The following GRID1 variants were observed in gnomAD, a reference collection of about 807,000 sequenced individuals.
GRID1 encodes the protein glutamate ionotropic receptor delta type subunit 1.
GRID1 carries 28 observed loss-of-function variants against 98.0 expected under a neutral mutation model. The observed-to-expected ratio is 0.29, with a 90% CI of 0.21 to 0.39. The LOEUF is 0.39. Among genes scored for constraint, GRID1 ranks in the 10% least tolerant of loss-of-function variants. The pLI is 1.00. For synonymous variants in GRID1, 553 were observed against 538.5 expected (o/e 1.03, Z -0.37); for missense variants, 1,111 against 1,340.5 (o/e 0.83, Z 2.67).
chr10:85,828,589 C>G (rs1205548102), intron 8 of GRID1, among the ~76,000 whole-genome samples: 1 of 151,846 alleles, frequency 6.6e-6, no homozygotes, highest in Admixed American at 6.6e-5. Flanking sequence ...CAAATAAACA[C>G]AGTCAGAAAT....
In GRID1 at chr10:86,192,069, G is replaced by C. The variant is rs1267984152; in HGVS notation, c.520+14295C>G. ...GGTCTAAGCAGGGCAGTGAGTTAAG[G>C]AAGGTGACTTTGGTGGCAGAATGAA... On this transcript the variant is annotated intron_variant, in intron 3 of 15. Coordinates refer to ENST00000327946, the MANE Select transcript of GRID1 (RefSeq NM_017551.3). The surrounding 1 kb of genome is among the most constrained non-coding windows in gnomAD (Gnocchi z 4.8). Among the ~76,000 whole-genome samples, 1 of 152,150 alleles carries C rather than the reference G, an allele frequency of 6.6e-6. No homozygotes were observed. Among genetic ancestry groups the C allele is most frequent in the Non-Finnish European group, 1.5e-5 (1 of 68,032 alleles).
chr10:85,948,747 A>T (rs1290536790), intron 4 of GRID1, among the ~76,000 whole-genome samples: 1 of 152,216 alleles, frequency 6.6e-6, no homozygotes, highest in Non-Finnish European at 1.5e-5. Context: ...TTATAATTGC[A>T]AGAAAAAAGA....
chr10:85,813,145 A>T (rs374212484), intron 8 of GRID1, among the ~76,000 whole-genome samples: 2 of 151,788 alleles, frequency 1.3e-5, no homozygotes, highest in East Asian at 3.9e-4. Flanking sequence ...AGAAGAAGAG[A>T]AAAACATTTT....
rs76313125 is a variant in GRID1, at chr10:85,609,296, T to G, written c.2601+4111A>C. ...AAGGAGCCCTAAGGTGTCACTTGTCTCTCCCATATTCCTCATTGCCTAGCC... is the reference window on the plus strand; with the variant it reads ...AAGGAGCCCTAAGGTGTCACTTGTCGCTCCCATATTCCTCATTGCCTAGCC... On this transcript the variant is annotated intron_variant, in intron 15 of 15. Coordinates refer to ENST00000327946, the MANE Select transcript of GRID1 (RefSeq NM_017551.3). Among the ~76,000 whole-genome samples, 758 of 152,292 alleles carry G rather than the reference T, an allele frequency of 5.0e-3. 9 individuals carry two copies. The highest frequency in any genetic ancestry group is 0.017 in the African/African-American group (722 of 41,566).
chr10:86,125,418 G>C (rs1208754068), intron 4 of GRID1, among the ~76,000 whole-genome samples: 1 of 152,230 alleles, frequency 6.6e-6, no homozygotes, highest in Non-Finnish European at 1.5e-5. Flanking sequence ...CTGCTAGGTA[G>C]AGCAAACCAA....
intron 2 of GRID1, among the ~76,000 whole-genome samples, chr10:86,308,405 T>A (rs1847788066): frequency 6.6e-6 from 1 of 152,138 alleles, no homozygotes; most frequent in African/African-American, 2.4e-5. Flanking sequence ...CTTCTGTACA[T>A]CCTGACAGAT....
intron 8 of GRID1, among the ~76,000 whole-genome samples, chr10:85,783,395 A>T (rs1280259821): frequency 2.0e-5 from 3 of 152,174 alleles, no homozygotes; most frequent in Non-Finnish European, 4.4e-5. Context: ...TTATAATATC[A>T]AGAAGTGGGG....
chr10:85,917,569 A>G (rs7083876), intron 4 of GRID1, among the ~76,000 whole-genome samples: 5,474 of 152,312 alleles, frequency 0.036, 321 homozygotes, highest in African/African-American at 0.12. Context: ...TGTAACACAA[A>G]TATCTTTCCT....
intron 12 of GRID1, among the ~76,000 whole-genome samples, chr10:85,707,412 G>C (rs1417445661): frequency 1.3e-5 from 2 of 152,138 alleles, no homozygotes; most frequent in Non-Finnish European, 2.9e-5. Flanking sequence ...ACCACAATGA[G>C]ATACCATCTC....
chr10:86,113,050 A>G (rs1201492688), intron 4 of GRID1, among the ~76,000 whole-genome samples: 1 of 152,160 alleles, frequency 6.6e-6, no homozygotes, highest in Non-Finnish European at 1.5e-5. Flanking sequence ...TTTGTCCAAT[A>G]CTTGTTAAAG....
rs551177583 is a variant in GRID1 at position 85,618,419 on chromosome 10, A to G, written c.2360+1448T>C. ...ACCAACTGGTGCGAACCTCAAGAAC[A>G]CCAACGTGTTATAAATCCTGGAGAG... On this transcript the variant is annotated intron_variant, in intron 14 of 15. Coordinates refer to ENST00000327946, the MANE Select transcript of GRID1 (RefSeq NM_017551.3). Among the ~76,000 whole-genome samples the G allele has an allele frequency of 1.7e-3, 259 of 152,318 alleles. 1 individual carries two copies. The highest frequency in any genetic ancestry group is 2.4e-3 in the Non-Finnish European group (162 of 68,022).
intron 8 of GRID1, among the ~76,000 whole-genome samples, chr10:85,820,230 G>A (rs1451955696): frequency 6.6e-6 from 1 of 151,074 alleles, no homozygotes; most frequent in East Asian, 1.9e-4. Context: ...CAAAATACCT[G>A]ATAAATACTC....
In GRID1 at chr10:86,298,716, G is replaced by A. The variant is rs1373639836; in HGVS notation, c.235+65225C>T. On this transcript the variant is annotated intron_variant, in intron 2 of 15. Coordinates refer to ENST00000327946, the MANE Select transcript of GRID1 (RefSeq NM_017551.3). ...TTTCTCAATCCCACTCCACCCCTAC[G>A]GCACCTGCAACTCTCCCAGACACAG... Among the ~76,000 whole-genome samples the A allele has an allele frequency of 3.3e-5, 5 of 152,178 alleles. No individual in the cohort carries two copies. In the East Asian group the frequency reaches 7.7e-4, roughly 23 times the overall value.
intron 3 of GRID1, among the ~76,000 whole-genome samples, chr10:86,177,966 T>C (rs1027971876): frequency 6.6e-6 from 1 of 152,064 alleles, no homozygotes; most frequent in Admixed American, 6.6e-5. Context: ...GTGAAGAACA[T>C]ACTATGCTCC....
At chr10:85,923,023 A>G (rs1207256588) in intron 4 of GRID1, among the ~76,000 whole-genome samples, 2 of 152,054 alleles carry the variant, frequency 1.3e-5, no homozygotes, top group Non-Finnish European at 2.9e-5. Flanking sequence ...TCATCTCCCA[A>G]GACTCCTAAT....
intron 2 of GRID1, among the ~76,000 whole-genome samples, chr10:86,360,686 G>T (rs140763429): frequency 1.3e-5 from 2 of 152,154 alleles, no homozygotes; most frequent in Non-Finnish European, 2.9e-5. Context: ...AACACCCACC[G>T]CAGGCCTTAT....
intron 4 of GRID1, among the ~76,000 whole-genome samples, chr10:86,049,311 T>C (rs1321318136): frequency 6.6e-6 from 1 of 152,244 alleles, no homozygotes; most frequent in Non-Finnish European, 1.5e-5. Flanking sequence ...GAGGATCTCT[T>C]ACACATTGTA....
intron 2 of GRID1, among the ~76,000 whole-genome samples, chr10:86,325,922 T>G (rs193201116): frequency 4.6e-5 from 7 of 152,300 alleles, no homozygotes; most frequent in African/African-American, 1.7e-4. Flanking sequence ...TGGACAAGTG[T>G]TGAAAAAGGA....
At chr10:85,653,605 A>G (rs1840856278) in intron 12 of GRID1, among the ~76,000 whole-genome samples, 1 of 152,212 alleles carries the variant, frequency 6.6e-6, no homozygotes, top group Non-Finnish European at 1.5e-5. Flanking sequence ...CAAAACTCAT[A>G]TTGAAACTTA....
Sources: gnomAD v4.1 joint callset for allele counts (sites outside exome capture counted in the v4.1 genomes callset) on GRCh38, gnomAD v4.1.1 for gene constraint, Gnocchi (gnomAD v3.1) non-coding constraint, MANE v1.5 for transcripts, NCBI Gene and HGNC (gene_info 2026-07-23, HGNC 2026-07-21) for gene names.